The following PPARA variants were observed in gnomAD, a reference collection of about 807,000 sequenced individuals.
PPARA encodes peroxisome proliferator-activated receptor alpha.
PPARA carries 22 observed loss-of-function variants against 42.2 expected under a neutral mutation model. That is an observed-to-expected ratio of 0.52 (90% CI 0.37 to 0.74). PPARA has a LOEUF of 0.74. Ranked by LOEUF, PPARA falls within the 30% of genes least tolerant of loss-of-function variation. The pLI is 0.00. For missense variants in PPARA, 465 were observed against 608.2 expected, an observed-to-expected ratio of 0.76 and a Z score of 2.48; for synonymous variants, 242 against 239.3, an observed-to-expected ratio of 1.01 and a Z score of -0.10.
chr22:46,226,660 G>A (rs554431388), intron 7 of PPARA, among the ~76,000 whole-genome samples: 61 of 152,226 alleles, frequency 4.0e-4, no homozygotes, highest in South Asian at 8.3e-4. Context: ...AGAGTAAAAC[G>A]TCTTGTTTAA....
At chr22:46,179,229 G>C (rs1217386655) in intron 3 of PPARA, among the ~76,000 whole-genome samples, 9 of 152,144 alleles carry the variant, frequency 5.9e-5, no homozygotes, top group Non-Finnish European at 2.9e-5. Flanking sequence ...AAATTTGGGG[G>C]ATACATTCAA....
rs189477006 is a variant in PPARA, at chr22:46,199,726, A to T, written c.208+1135A>T. On this transcript the variant is annotated intron_variant, in intron 4 of 8. Coordinates refer to ENST00000407236, the MANE Select transcript of PPARA (RefSeq NM_005036.6). Reference sequence around the variant, plus strand: ...TGATCCAATTAATGTAAAATCTTTTATTTTTTATTTTTTGAGACAGAGTTT... The same window carrying T: ...TGATCCAATTAATGTAAAATCTTTTTTTTTTTATTTTTTGAGACAGAGTTT... 4.2e-3 allele frequency among the ~76,000 whole-genome samples: 642 copies of T among 152,144 alleles called. 3 individuals carry two copies. The highest frequency in any genetic ancestry group is 6.1e-3 in the Admixed American group (93 of 15,260).
In PPARA at chr22:46,231,178, T is replaced by C. The variant is rs566295360; in HGVS notation, c.712-614T>C. Among the ~76,000 whole-genome samples the C allele has an allele frequency of 1.8e-4, 28 of 152,008 alleles. No homozygotes were observed. Among genetic ancestry groups the C allele is most frequent in the African/African-American group, 5.8e-4 (24 of 41,480 alleles). ...TTCAAGCGATTCTCCTGCCTCAGCC[T>C]CCCGAGTAGCTGGGGTTACAGGCAC... On this transcript the variant is annotated intron_variant, in intron 7 of 8. Transcript: ENST00000407236. The surrounding 1 kb of genome is among the most constrained non-coding windows in gnomAD (Gnocchi z 7.7).
In PPARA at chr22:46,215,253, G is replaced by A; in HGVS notation, c.289G>A (p.Ala97Thr). The A allele has an allele frequency of 6.2e-7, 1 of 1,614,178 alleles. No individual in the cohort carries two copies. Among genetic ancestry groups the A allele is most frequent in the South Asian group, 1.1e-5 (1 of 91,084 alleles). ...PGSVDESPSG[A>T]LNIECRICGD... ...CAGCGTGGACGAGTCTCCCAGTGGAGCATTGAACATCGAATGTAGAATCTG... is the reference window on the plus strand; with the variant it reads ...CAGCGTGGACGAGTCTCCCAGTGGAACATTGAACATCGAATGTAGAATCTG... Residue 97 changes from alanine (A) to threonine (T), a missense_variant, in exon 5 of 9, where the codon GCA (alanine) becomes ACA (threonine). Transcript: ENST00000407236.
rs1297050807 is a variant in PPARA, at chr22:46,173,247, GTTTTC to G, written c.-126-3501_-126-3497del. Among the ~76,000 whole-genome samples the G allele has an allele frequency of 2.0e-5, 3 of 152,230 alleles. No homozygotes were observed. The East Asian group carries it at 5.8e-4, about 29-fold the overall frequency. On this transcript the variant is annotated intron_variant, in intron 2 of 8. Transcript: ENST00000407236. The surrounding 1 kb of genome is among the most constrained non-coding windows in gnomAD (Gnocchi z 4.3). ...GATTTACAAAACAGTTATGTTTTTA[GTTTTC>G]TTTTATTTGTTGTGTTGAATAGGAA...
intron 2 of PPARA, among the ~76,000 whole-genome samples, chr22:46,168,995 A>G (rs567696533): frequency 2.1e-4 from 32 of 152,070 alleles, no homozygotes; most frequent in African/African-American, 7.5e-4. Flanking sequence ...GAAGACAGTA[A>G]AAAGATGCGC....
rs1973929 is a variant in PPARA, at chr22:46,211,716, T to C, written c.209-3457T>C. 1 allele frequency among the ~76,000 whole-genome samples: 152,294 copies of C among 152,298 alleles called. 76,145 individuals carry two copies. Among genetic ancestry groups the C allele is most frequent in the Middle Eastern group, 1 (292 of 292 alleles). ...TTCTTGCTTTCTCGCCTTCTTGTCT[T>C]GCTCTGTCACCCAGGCTGGAGTGCA... On this transcript the variant is annotated intron_variant, in intron 4 of 8. Coordinates refer to ENST00000407236, the MANE Select transcript of PPARA (RefSeq NM_005036.6). This position sits in a 1 kb window ranked among gnomAD's most constrained non-coding sequence, Gnocchi z 4.1.
At chr22:46,197,618 G>C (rs1414034635) in intron 3 of PPARA, among the ~76,000 whole-genome samples, 3 of 152,016 alleles carry the variant, frequency 2.0e-5, no homozygotes, top group Non-Finnish European at 4.4e-5. Context: ...AACCAAGCAA[G>C]TGGCCAGGCG....
chr22:46,212,792 T>A lies in PPARA; in HGVS notation c.209-2381T>A, dbSNP rs1407000091. On this transcript the variant is annotated intron_variant, in intron 4 of 8. Coordinates refer to ENST00000407236, the MANE Select transcript of PPARA (RefSeq NM_005036.6). The surrounding 1 kb of genome is among the most constrained non-coding windows in gnomAD (Gnocchi z 4.2). The stretch of plus-strand genomic sequence containing the variant: ...GGGCAGATCACTTGAGGTCAGGAGT[T>A]TGAGACCAGCCTGGCCAACATGGTG... Among the ~76,000 whole-genome samples, 2 of 152,278 alleles carry A rather than the reference T, an allele frequency of 1.3e-5. No individual in the cohort carries two copies. The highest frequency in any genetic ancestry group is 4.1e-4 in the South Asian group (2 of 4,826).
intron 2 of PPARA, among the ~76,000 whole-genome samples, chr22:46,166,783 C>T: frequency 6.6e-6 from 1 of 152,116 alleles, no homozygotes; most frequent in East Asian, 1.9e-4. Flanking sequence ...TCAGAAGACT[C>T]AGTATCTTAG....
At position 46,242,821 on chromosome 22, in the gene PPARA, T is replaced by C. The variant is rs1318926077; in HGVS notation, c.*7441T>C. 1 of 152,512 alleles carries C rather than the reference T, an allele frequency of 6.6e-6. No individual in the cohort carries two copies. Among genetic ancestry groups the C allele is most frequent in the Non-Finnish European group, 1.5e-5 (1 of 68,096 alleles). 9.4% of individuals were successfully genotyped at this position (152,512 alleles called of 1,614,324 possible). On this transcript the variant is annotated 3_prime_UTR_variant, in exon 9 of 9. Coordinates refer to ENST00000407236, the MANE Select transcript of PPARA (RefSeq NM_005036.6). This position sits in a 1 kb window ranked among gnomAD's most constrained non-coding sequence, Gnocchi z 6.1. ...TTTCAATGTGGAAATCTGTTCCCTT[T>C]ACCACACTGTATATGCACAGAGCAC...
intron 7 of PPARA, among the ~76,000 whole-genome samples, chr22:46,228,416 A>G (rs1215174881): frequency 6.6e-6 from 1 of 152,172 alleles, no homozygotes; most frequent in East Asian, 1.9e-4. Context: ...GGTGCCTGTA[A>G]TCCCAGCTAC....
rs759527309 is a variant in PPARA at position 46,218,296 on chromosome 22, G to T, written c.403G>T (p.Val135Leu). 1.1e-5 allele frequency: 17 copies of T among 1,613,978 alleles called. No individual in the cohort carries two copies. The highest frequency in any genetic ancestry group is 1.4e-5 in the Non-Finnish European group (17 of 1,180,036). The change falls in exon 6 of 9, where the codon GTG becomes TTG. Residue 135 changes from valine (V) to leucine (L), a missense_variant. Transcript: ENST00000407236. ...TCGGCGAACGATTCGACTCAAGCTG[G>T]TGTATGACAAGTGCGACCGCAGCTG... Reference protein sequence around the residue: ...FFRRTIRLKLVYDKCDRSCKI... With the variant: ...FFRRTIRLKLLYDKCDRSCKI...
rs1037449259 is a variant in PPARA at position 46,156,751 on chromosome 22, G to A, written c.-127+4781G>A. Among the ~76,000 whole-genome samples the A allele has an allele frequency of 2.6e-5, 4 of 152,082 alleles. No homozygotes were observed. The highest frequency in any genetic ancestry group is 4.8e-5 in the African/African-American group (2 of 41,414). On this transcript the variant is annotated intron_variant, in intron 2 of 8. Transcript: ENST00000407236. This position sits in a 1 kb window ranked among gnomAD's most constrained non-coding sequence, Gnocchi z 5.2. ...TAAGTAGCTGGGACTACAGGCACCCGCCACCACGCCCAGCTAATTTTTGTA... is the reference window on the plus strand; with the variant it reads ...TAAGTAGCTGGGACTACAGGCACCCACCACCACGCCCAGCTAATTTTTGTA...
rs117101974 is a variant in PPARA at position 46,198,314 on chromosome 22, C to G, written c.-42-28C>G. On this transcript the variant is annotated intron_variant, in intron 3 of 8. Transcript: ENST00000407236. ...CAAGTGAACGTTGTTATACGTCAGT[C>G]TTACCAATTGTTCCTCTTTCCTCCC... 116 of 1,278,874 alleles carry G rather than the reference C, an allele frequency of 9.1e-5. 1 individual carries two copies. In the East Asian group the frequency reaches 2.3e-3, roughly 25 times the overall value. The allele number at this position is 1,278,874 out of a possible 1,614,324, so 79.2% of individuals were successfully genotyped here.
chr22:46,199,949 C>T (rs181133293), intron 4 of PPARA, among the ~76,000 whole-genome samples: 2 of 152,274 alleles, frequency 1.3e-5, no homozygotes, highest in Admixed American at 1.3e-4. Context: ...TCTCAAACTC[C>T]TGACGTCAGG....
Position 46,221,367 on chromosome 22 carries a change from A to G in PPARA, c.711+1353A>G, listed in dbSNP as rs1435377388. Among the ~76,000 whole-genome samples the G allele has an allele frequency of 6.6e-6, 1 of 152,224 alleles. No homozygotes were observed. The highest frequency in any genetic ancestry group is 1.5e-5 in the Non-Finnish European group (1 of 68,032). On this transcript the variant is annotated intron_variant, in intron 7 of 8. Coordinates refer to ENST00000407236, the MANE Select transcript of PPARA (RefSeq NM_005036.6). The surrounding 1 kb of genome is among the most constrained non-coding windows in gnomAD (Gnocchi z 5.9). Reference sequence around the variant, plus strand: ...GAGCCAAACCATATCATAAGGCTAGAAAAGGAAACCACTTACTTCCCACTC... The same window carrying G: ...GAGCCAAACCATATCATAAGGCTAGGAAAGGAAACCACTTACTTCCCACTC...
intron 2 of PPARA, among the ~76,000 whole-genome samples, chr22:46,170,235 A>AG (rs962067065): frequency 3.3e-5 from 5 of 150,674 alleles, no homozygotes; most frequent in Non-Finnish European, 5.9e-5. Flanking sequence ...TTTTGGTGGC[A>AG]GGGGGGTGGG....
intron 7 of PPARA, among the ~76,000 whole-genome samples, chr22:46,226,817 C>T (rs908506628): frequency 2.0e-5 from 3 of 151,850 alleles, no homozygotes; most frequent in Admixed American, 6.6e-5. Context: ...ACTGTGGTTG[C>T]GCCACTGTAC....
Sources: allele counts gnomAD v4.1 joint callset (sites outside exome capture counted in the v4.1 genomes callset), GRCh38; gene constraint gnomAD v4.1.1; non-coding constraint Gnocchi (gnomAD v3.1); transcripts MANE v1.5; gene names NCBI Gene and HGNC (gene_info 2026-07-23, HGNC 2026-07-21).